The following EPHA5 variants were observed in gnomAD, a reference collection of about 807,000 sequenced individuals.
EPHA5 encodes ephrin type-A receptor 5.
EPHA5 carries 60 observed loss-of-function variants against 105.0 expected under a neutral mutation model. That is an observed-to-expected ratio of 0.57 (90% CI 0.46 to 0.71). The LOEUF (loss-of-function observed/expected upper bound fraction) is 0.71, where lower values mean the gene tolerates loss of function less well. Ranked by LOEUF, EPHA5 falls within the 30% of genes least tolerant of loss-of-function variation. The pLI is 0.00. For synonymous variants in EPHA5, 513 were observed against 449.1 expected, an observed-to-expected ratio of 1.14 and a Z score of -1.80; for missense variants, 1,218 against 1,274.7, an observed-to-expected ratio of 0.96 and a Z score of 0.68.
At chr4:65,340,871 C>A (rs533239485) in intron 14 of EPHA5, among the ~76,000 whole-genome samples, 1 of 152,202 alleles carries the variant, frequency 6.6e-6, no homozygotes, top group Non-Finnish European at 1.5e-5. Flanking sequence ...ACATGTGCAC[C>A]TGCATAAAGC....
At chr4:65,494,071 T>C (rs1027998611) in intron 4 of EPHA5, among the ~76,000 whole-genome samples, 1 of 152,180 alleles carries the variant, frequency 6.6e-6, no homozygotes, top group African/African-American at 2.4e-5. Context: ...TTGATATGTA[T>C]CCTTACAAAA....
intron 3 of EPHA5, among the ~76,000 whole-genome samples, chr4:65,539,516 T>G (rs1736617174): frequency 6.6e-6 from 1 of 151,580 alleles, no homozygotes; most frequent in Non-Finnish European, 1.5e-5. Context: ...CATGTTCAAT[T>G]GTAAAGTCTG....
Position 65,549,725 on chromosome 4 carries a change from G to T in EPHA5, c.910+51916C>A, listed in dbSNP as rs751753405. Reference sequence around the variant, plus strand: ...ATTCTTGATATAGAAGAGACTCACAGAAGCTTAAACTAGAGGGTTATAGAT... The same window carrying T: ...ATTCTTGATATAGAAGAGACTCACATAAGCTTAAACTAGAGGGTTATAGAT... On this transcript the variant is annotated intron_variant, in intron 3 of 16. Transcript: ENST00000613740. Among the ~76,000 whole-genome samples the T allele has an allele frequency of 9.2e-5, 14 of 152,102 alleles. 1 individual carries two copies. The highest frequency in any genetic ancestry group is 1.9e-4 in the Non-Finnish European group (13 of 67,984).
At chr4:65,499,809 T>C (rs1732298050) in intron 3 of EPHA5, among the ~76,000 whole-genome samples, 1 of 147,264 alleles carries the variant, frequency 6.8e-6, no homozygotes, top group Admixed American at 7.0e-5. Flanking sequence ...ACAAGACATG[T>C]AAATAAATAA....
intron 8 of EPHA5, among the ~76,000 whole-genome samples, chr4:65,398,035 C>A (rs543439806): frequency 2.6e-5 from 4 of 152,170 alleles, no homozygotes; most frequent in Admixed American, 6.5e-5. Flanking sequence ...CACCACCCCC[C>A]TTCCAAGTTG....
At chr4:65,576,036 A>T (rs1246665312) in intron 3 of EPHA5, among the ~76,000 whole-genome samples, 1 of 124,338 alleles carries the variant, frequency 8.0e-6, no homozygotes, top group African/African-American at 3.1e-5. Context: ...GAAAGAAAGA[A>T]AGAAAGAAAG....
intron 8 of EPHA5, among the ~76,000 whole-genome samples, chr4:65,389,230 C>T (rs984849644): frequency 6.6e-6 from 1 of 152,022 alleles, no homozygotes; most frequent in South Asian, 2.1e-4. Context: ...CTGAACTTTG[C>T]ATCCTTAAAA....
intron 3 of EPHA5, among the ~76,000 whole-genome samples, chr4:65,568,335 T>A (rs1200428936): frequency 1.3e-5 from 2 of 151,448 alleles, no homozygotes; most frequent in Non-Finnish European, 3.0e-5. Context: ...CAATTCTATC[T>A]CTCAAAATAT....
chr4:65,513,184 T>G (rs1173273279), intron 3 of EPHA5, among the ~76,000 whole-genome samples: 3 of 152,198 alleles, frequency 2.0e-5, no homozygotes, highest in African/African-American at 7.2e-5. Context: ...TAAAAAGTTA[T>G]AAATGTGGTT....
intron 3 of EPHA5, among the ~76,000 whole-genome samples, chr4:65,574,888 T>C (rs1455825388): frequency 6.6e-6 from 1 of 151,298 alleles, no homozygotes; most frequent in Non-Finnish European, 1.5e-5. Context: ...CTCTGGCATC[T>C]CACTGTCAGT....
At chr4:65,613,757 T>C (rs1744982499) in intron 2 of EPHA5, among the ~76,000 whole-genome samples, 1 of 152,034 alleles carries the variant, frequency 6.6e-6, no homozygotes, top group South Asian at 2.1e-4. Context: ...AATGTATACC[T>C]CACTTATGGA....
At chr4:65,524,959 A>G (rs1193181486) in intron 3 of EPHA5, among the ~76,000 whole-genome samples, 2 of 151,794 alleles carry the variant, frequency 1.3e-5, no homozygotes, top group African/African-American at 2.4e-5. Flanking sequence ...AATGACACGT[A>G]TCATTAAAAA....
intron 2 of EPHA5, among the ~76,000 whole-genome samples, chr4:65,627,911 A>G (rs1560792112): frequency 6.6e-6 from 1 of 152,142 alleles, no homozygotes. Flanking sequence ...AAAAGCATAA[A>G]CTATGTGTAT....
chr4:65,527,937 T>C (rs999042208), intron 3 of EPHA5, among the ~76,000 whole-genome samples: 3 of 152,138 alleles, frequency 2.0e-5, no homozygotes, highest in African/African-American at 2.4e-5. Context: ...AGTGAGAACA[T>C]GCAGTATTTG....
chr4:65,349,842 A>G (rs1291555360), intron 13 of EPHA5, among the ~76,000 whole-genome samples: 2 of 152,098 alleles, frequency 1.3e-5, no homozygotes, highest in Non-Finnish European at 2.9e-5. Flanking sequence ...TCCTTTTAGA[A>G]TTGTCATTTG....
chr4:65,515,914 T>G (rs1212804237), intron 3 of EPHA5, among the ~76,000 whole-genome samples: 10 of 152,118 alleles, frequency 6.6e-5, no homozygotes, highest in Non-Finnish European at 1.2e-4. Flanking sequence ...TCAATATCTC[T>G]TCTTGAACTA....
In EPHA5 at chr4:65,669,415, A is replaced by G. The variant is rs369490129; in HGVS notation, c.181+147T>C. The G allele has an allele frequency of 1.1e-5, 14 of 1,242,132 alleles. No individual in the cohort carries two copies. The African/African-American group carries it at 1.7e-4, about 15-fold the overall frequency. 76.9% of individuals were successfully genotyped at this position (1,242,132 alleles called of 1,614,324 possible). A position where few individuals can be genotyped will look rare whatever the true frequency, so the allele number is the denominator to read the frequency against. Reference sequence around the variant, plus strand: ...AACCGCAGAGGGGAGCGAAAAGGCCAGTGGAAGGGGACGACAAATACCAAT... The same window carrying G: ...AACCGCAGAGGGGAGCGAAAAGGCCGGTGGAAGGGGACGACAAATACCAAT... On this transcript the variant is annotated intron_variant, in intron 1 of 16. Coordinates refer to ENST00000613740, the MANE Select transcript of EPHA5 (RefSeq NM_001281766.3).
chr4:65,420,412 G>T (rs2149036254), intron 6 of EPHA5, 29 bp downstream of exon 6: 3 of 1,521,278 alleles, frequency 2.0e-6, no homozygotes, highest in Non-Finnish European at 1.8e-6. Context: ...AAAAGAAAGT[G>T]AGGACATTTT....
chr4:65,327,356 A>G (rs2148786429), intron 16 of EPHA5, among the ~76,000 whole-genome samples: 1 of 151,304 alleles, frequency 6.6e-6, no homozygotes, highest in African/African-American at 2.4e-5. Flanking sequence ...GATGAATGTC[A>G]AAGGGCACAC....
Sources: gnomAD v4.1 joint callset for allele counts (sites outside exome capture counted in the v4.1 genomes callset) on GRCh38, gnomAD v4.1.1 for gene constraint, MANE v1.5 for transcripts, NCBI Gene and HGNC (gene_info 2026-07-23, HGNC 2026-07-21) for gene names.